Variants in TASP1 observed in about 807,000 individuals in gnomAD.
TASP1 encodes taspase 1.
A neutral mutation model predicts 56.6 loss-of-function variants in TASP1; 16 were observed. The ratio of observed to expected loss-of-function variants is 0.28; its 90% CI spans 0.19 to 0.43. The LOEUF is 0.43. Among genes scored for constraint, TASP1 ranks in the 20% least tolerant of loss-of-function variants. The pLI is 1.00. For missense variants in TASP1, 393 were observed against 511.6 expected, an observed-to-expected ratio of 0.77 and a Z score of 2.24; for synonymous variants, 179 against 184.2, an observed-to-expected ratio of 0.97 and a Z score of 0.23.
the TASP1 span, among the ~76,000 whole-genome samples, chr20:13,253,338 G>C: frequency 6.9e-6 from 1 of 145,614 alleles, no homozygotes; most frequent in African/African-American, 2.6e-5. Context: ...GCATTCCTGA[G>C]GAGTGGGTGA....
the TASP1 span, among the ~76,000 whole-genome samples, chr20:13,294,512 G>A: frequency 1.3e-5 from 2 of 152,210 alleles, no homozygotes; most frequent in African/African-American, 4.8e-5. Flanking sequence ...CTGCTTTGCA[G>A]AACACAGCCC....
At chr20:13,333,473 G>A in the TASP1 span, among the ~76,000 whole-genome samples, 1 of 152,212 alleles carries the variant, frequency 6.6e-6, no homozygotes, top group Non-Finnish European at 1.5e-5. Context: ...GGTCAGTTAT[G>A]TCAAGGAACA....
the TASP1 span, among the ~76,000 whole-genome samples, chr20:13,222,214 G>C: frequency 1.3e-5 from 2 of 152,142 alleles, no homozygotes. Context: ...GATGAGCAGA[G>C]GAAGTGTGGA....
At chr20:13,278,160 C>T in the TASP1 span, among the ~76,000 whole-genome samples, 1 of 152,188 alleles carries the variant, frequency 6.6e-6, no homozygotes, top group Non-Finnish European at 1.5e-5. Context: ...GCCAAAGGAA[C>T]CCAATGCGTC....
At chr20:13,422,988 C>T (rs1257612164) in intron 12 of TASP1, among the ~76,000 whole-genome samples, 2 of 152,172 alleles carry the variant, frequency 1.3e-5, no homozygotes, top group African/African-American at 4.8e-5. Flanking sequence ...CAAAATTACA[C>T]ACTCTTTGAC....
the TASP1 span, among the ~76,000 whole-genome samples, chr20:13,321,429 AAG>A: frequency 2.6e-5 from 4 of 152,236 alleles, no homozygotes; most frequent in African/African-American, 9.6e-5. Flanking sequence ...CTTTCTAGGT[AAG>A]AGGGGATTGT....
At chr20:13,451,637 G>A (rs1479732731) in intron 11 of TASP1, among the ~76,000 whole-genome samples, 1 of 152,088 alleles carries the variant, frequency 6.6e-6, no homozygotes, top group African/African-American at 2.4e-5. Context: ...AAGAGAGTTA[G>A]GATCTTGCTC....
At chr20:13,371,945 A>G in the TASP1 span, among the ~76,000 whole-genome samples, 1 of 152,010 alleles carries the variant, frequency 6.6e-6, no homozygotes, top group Admixed American at 6.6e-5. Context: ...ATTTTGTCTG[A>G]TATTTGTTTA....
At chr20:13,189,399 C>T in the TASP1 span, among the ~76,000 whole-genome samples, 1 of 152,102 alleles carries the variant, frequency 6.6e-6, no homozygotes, top group Admixed American at 6.5e-5. Context: ...TATTTGCAAA[C>T]TGTGCATCTG....
chr20:13,617,070 G>A (rs6033773), intron 4 of TASP1: 121,103 of 450,706 alleles, frequency 0.27, 20,785 homozygotes, highest in African/African-American at 0.63. Context: ...TCACAAGAAG[G>A]ACATGGATAC....
intron 11 of TASP1, among the ~76,000 whole-genome samples, chr20:13,475,269 T>C (rs2044681234): frequency 6.6e-6 from 1 of 152,220 alleles, no homozygotes; most frequent in Non-Finnish European, 1.5e-5. Flanking sequence ...CAAACTGCAT[T>C]TTCTAACTTA....
chr20:13,616,503 T>G (rs1424788578), intron 4 of TASP1, among the ~76,000 whole-genome samples: 2 of 152,160 alleles, frequency 1.3e-5, no homozygotes, highest in African/African-American at 4.8e-5. Context: ...TCATTTTTCA[T>G]GTTCCCATTA....
At chr20:13,384,576 C>A (rs1277001937), downstream of TASP1, among the ~76,000 whole-genome samples, 1 of 152,042 alleles carries the variant, frequency 6.6e-6, no homozygotes, top group African/African-American at 2.4e-5. Context: ...TAATACCTTG[C>A]GGACTTGAAT....
the TASP1 span, among the ~76,000 whole-genome samples, chr20:13,222,251 A>G: frequency 6.6e-6 from 1 of 152,074 alleles, no homozygotes; most frequent in Non-Finnish European, 1.5e-5. Flanking sequence ...GGGTGCTACC[A>G]GTCTTTCGTT....
At chr20:13,535,561 C>G (rs1410189195) in intron 8 of TASP1, among the ~76,000 whole-genome samples, 2 of 152,216 alleles carry the variant, frequency 1.3e-5, no homozygotes, top group Admixed American at 6.5e-5. Flanking sequence ...AATGGATCCA[C>G]ATGGTCATAT....
chr20:13,192,769 G>A, the TASP1 span, among the ~76,000 whole-genome samples: 1 of 151,358 alleles, frequency 6.6e-6, no homozygotes, highest in Non-Finnish European at 1.5e-5. Context: ...CACTATGTTG[G>A]TCACAAACTT....
chr20:13,508,154 T>C (rs554794033), intron 10 of TASP1, among the ~76,000 whole-genome samples: 12 of 150,428 alleles, frequency 8.0e-5, no homozygotes, highest in Middle Eastern at 3.5e-3. Context: ...GAAGAAAACA[T>C]AGGGAAGAAG....
chr20:13,464,592 AC>A (rs765684879), intron 11 of TASP1, among the ~76,000 whole-genome samples: 2 of 152,208 alleles, frequency 1.3e-5, no homozygotes, highest in Non-Finnish European at 2.9e-5. Context: ...AAATTCTGAC[AC>A]ATGCTACAAC....
chr20:13,606,725 T>C (rs923584195), intron 4 of TASP1, among the ~76,000 whole-genome samples: 1 of 148,134 alleles, frequency 6.8e-6, no homozygotes, highest in Non-Finnish European at 1.5e-5. Flanking sequence ...TAGAATGGCG[T>C]GAACCCAGGA....
Sources: allele counts gnomAD v4.1 joint callset (sites outside exome capture counted in the v4.1 genomes callset), GRCh38; gene constraint gnomAD v4.1.1; transcripts MANE v1.5; gene names NCBI Gene and HGNC (gene_info 2026-07-23, HGNC 2026-07-21).